Variants in ADCY10 observed in about 807,000 individuals in gnomAD.
ADCY10 encodes adenylate cyclase 10.
Under a neutral mutation model 183.3 loss-of-function variants are expected in ADCY10, and 156 were observed. The observed-to-expected ratio is 0.85, with a 90% CI of 0.75 to 0.97. The LOEUF (loss-of-function observed/expected upper bound fraction) is 0.97. Ranked by LOEUF, ADCY10 falls within the 50% of genes least tolerant of loss-of-function variation. The pLI is 0.00. For synonymous variants in ADCY10, 645 were observed against 670.0 expected (o/e 0.96, Z 0.58); for missense variants, 1,745 against 1,934.3 (o/e 0.90, Z 1.84).
rs2101816039 is a variant in ADCY10 at position 167,809,392 on chromosome 1, T to C, written c.*286A>G. On this transcript the variant is annotated 3_prime_UTR_variant, in exon 33 of 33. Transcript: ENST00000367851. Reference sequence around the variant, plus strand: ...CACACGATGTCATACCATCTTGAGATTAATAATTTGTAATATGATACAGTT... The same window carrying C: ...CACACGATGTCATACCATCTTGAGACTAATAATTTGTAATATGATACAGTT... The C allele has an allele frequency of 5.3e-6, 2 of 379,000 alleles. No individual in the cohort carries two copies. The highest frequency in any genetic ancestry group is 1.1e-4 in the East Asian group (2 of 18,128). 23.5% of individuals were successfully genotyped at this position (379,000 alleles called of 1,614,324 possible).
intron 31 of ADCY10, among the ~76,000 whole-genome samples, chr1:167,815,702 T>A (rs937876247): frequency 6.6e-6 from 1 of 152,166 alleles, no homozygotes; most frequent in Non-Finnish European, 1.5e-5. Context: ...GAAGCAGACA[T>A]GACAGGGATG....
chr1:167,867,006 A>G (rs557054370), intron 14 of ADCY10, among the ~76,000 whole-genome samples: 11 of 152,194 alleles, frequency 7.2e-5, no homozygotes, highest in Non-Finnish European at 1.3e-4. Flanking sequence ...AATCAGTACC[A>G]AAGGACATCA....
chr1:167,903,580 A>T (rs908675712), intron 3 of ADCY10, among the ~76,000 whole-genome samples: 4 of 152,162 alleles, frequency 2.6e-5, no homozygotes, highest in Admixed American at 1.3e-4. Context: ...AATAAATAAA[A>T]ATAAATATAA....
Position 167,880,589 on chromosome 1 carries a change from G to C in ADCY10, c.1041C>G (p.Val347=). The change falls in exon 10 of 33, where the codon GTC becomes GTG. Residue 347 remains valine (V), a synonymous_variant. Transcript: ENST00000367851. ...GTACCTTTTCCCCAGGGAAGCCAAAGACACAGAGGAAAGAGCAGCCCTGTG... is the reference window on the plus strand; with the variant it reads ...GTACCTTTTCCCCAGGGAAGCCAAACACACAGAGGAAAGAGCAGCCCTGTG... The part of the protein sequence containing the change: ...MFDKGCSFLC[V]FGFPGEKVPD... 1.9e-6 allele frequency: 3 copies of C among 1,613,870 alleles called. No individual in the cohort carries two copies. Among genetic ancestry groups the C allele is most frequent in the Non-Finnish European group, 2.5e-6 (3 of 1,179,806 alleles).
intron 8 of ADCY10, among the ~76,000 whole-genome samples, chr1:167,891,941 T>A (rs1159588250): frequency 6.6e-6 from 1 of 151,984 alleles, no homozygotes; most frequent in Non-Finnish European, 1.5e-5. Context: ...GATTTAATAA[T>A]TTCTAATTAA....
At chr1:167,819,219 T>C (rs1411238919) in intron 30 of ADCY10, among the ~76,000 whole-genome samples, 1 of 152,084 alleles carries the variant, frequency 6.6e-6, no homozygotes, top group African/African-American at 2.4e-5. Flanking sequence ...GGTACAATCC[T>C]TTGAATATTT....
intron 26 of ADCY10, among the ~76,000 whole-genome samples, chr1:167,828,563 T>G (rs1388154473): frequency 6.6e-6 from 1 of 152,218 alleles, no homozygotes; most frequent in Non-Finnish European, 1.5e-5. Flanking sequence ...TGGCAAAAAT[T>G]TAATACAATG....
At chr1:167,825,940 A>T (rs902812999) in intron 26 of ADCY10, among the ~76,000 whole-genome samples, 1 of 152,244 alleles carries the variant, frequency 6.6e-6, no homozygotes, top group Admixed American at 6.5e-5. Flanking sequence ...GTTTTATTAT[A>T]TATACAAAAA....
intron 1 of ADCY10, among the ~76,000 whole-genome samples, chr1:167,909,500 A>G (rs922850603): frequency 6.6e-5 from 10 of 152,198 alleles, no homozygotes; most frequent in Admixed American, 5.9e-4. Flanking sequence ...ATGGCTTTGA[A>G]TGCAGCCCAA....
At chr1:167,911,161 G>C (rs539341440) in intron 1 of ADCY10, among the ~76,000 whole-genome samples, 1 of 152,264 alleles carries the variant, frequency 6.6e-6, no homozygotes, top group Non-Finnish European at 1.5e-5. Context: ...GTTCAAACTG[G>C]GCAGTTTTAG....
Position 167,837,271 on chromosome 1 carries a change from C to A in ADCY10, c.3055G>T (p.Ala1019Ser), listed in dbSNP as rs1162278241. The A allele has an allele frequency of 6.2e-7, 1 of 1,613,904 alleles. No homozygotes were observed. Among genetic ancestry groups the A allele is most frequent in the African/African-American group, 1.3e-5 (1 of 74,926 alleles). Reference sequence around the variant, plus strand: ...TACCTGCGATTTTCAGGAAAAAATGCAGATGTCTCAGGAATCTCTGAGTTG... The same window carrying A: ...TACCTGCGATTTTCAGGAAAAAATGAAGATGTCTCAGGAATCTCTGAGTTG... ...LSNSEIPETSAFFPENRSPEE... is the reference protein window; with the variant it reads ...LSNSEIPETSSFFPENRSPEE... The change falls in exon 22 of 33, where the codon GCA becomes TCA. Residue 1019 changes from alanine (A) to serine (S), a missense_variant. Physicochemically the swap from Ala to Ser is moderately conservative, Grantham distance 99. Coordinates refer to ENST00000367851, the MANE Select transcript of ADCY10 (RefSeq NM_018417.6).
chr1:167,856,821 A>G (rs1257752914), intron 16 of ADCY10, among the ~76,000 whole-genome samples: 2 of 152,186 alleles, frequency 1.3e-5, no homozygotes, highest in African/African-American at 4.8e-5. Flanking sequence ...TCCTGGGGAA[A>G]TCTACTTGAC....
intron 8 of ADCY10, among the ~76,000 whole-genome samples, chr1:167,892,261 G>A (rs1271043872): frequency 6.6e-6 from 1 of 152,116 alleles, no homozygotes; most frequent in Non-Finnish European, 1.5e-5. Context: ...CATGAGCCTG[G>A]CCTTGATTTT....
chr1:167,835,695 C>A (rs761089954), intron 23 of ADCY10, among the ~76,000 whole-genome samples: 3 of 152,158 alleles, frequency 2.0e-5, no homozygotes, highest in Non-Finnish European at 4.4e-5. Context: ...TCAAGACCAG[C>A]CTGGGCAACA....
intron 31 of ADCY10, among the ~76,000 whole-genome samples, chr1:167,817,386 T>C (rs1018512264): frequency 2.0e-5 from 3 of 152,158 alleles, no homozygotes; most frequent in African/African-American, 7.2e-5. Flanking sequence ...TGTTTTAAGC[T>C]GTTTACTTTG....
At chr1:167,910,006 A>G (rs1253651010) in intron 1 of ADCY10, among the ~76,000 whole-genome samples, 2 of 152,184 alleles carry the variant, frequency 1.3e-5, no homozygotes, top group Non-Finnish European at 2.9e-5. Context: ...ATCTCAATCT[A>G]TTATGACCCT....
rs761411310 is a variant in ADCY10, at chr1:167,809,823, G to T, written c.4688C>A (p.Thr1563Asn). The T allele has an allele frequency of 7.4e-6, 12 of 1,613,950 alleles. No homozygotes were observed. The highest frequency in any genetic ancestry group is 7.6e-6 in the Non-Finnish European group (9 of 1,179,970). ...LNMNKESWYS[T>N]SELKEDQWLQ... ...CCATTGGTCTTCTTTTAACTCAGAG[G>T]TTGAGTACCATGATTCCTGAGAGGA... The change falls in exon 33 of 33, where the codon ACC becomes AAC. Residue 1563 changes from threonine (T) to asparagine (N), a missense_variant. Physicochemically the swap from Thr to Asn is moderately conservative, Grantham distance 65 (BLOSUM62 0). Transcript: ENST00000367851.
intron 1 of ADCY10, among the ~76,000 whole-genome samples, 166 bp from the exon 2 acceptor site, chr1:167,905,364 A>G (rs1179422974): frequency 2.0e-5 from 3 of 152,226 alleles, no homozygotes; most frequent in African/African-American, 7.2e-5. Context: ...ACAGAGGAAG[A>G]ACCCTCCCAC....
chr1:167,848,390 T>C lies in ADCY10; in HGVS notation c.2408A>G (p.Lys803Arg). 1 of 1,614,054 alleles carries C rather than the reference T, an allele frequency of 6.2e-7. No individual in the cohort carries two copies. The highest frequency in any genetic ancestry group is 8.5e-7 in the Non-Finnish European group (1 of 1,179,952). The change falls in exon 19 of 33, where the codon AAA becomes AGA. Residue 803 changes from lysine (K) to arginine (R), a missense_variant. Transcript: ENST00000367851. ...TAATGACGTTGGAGGTGACAGGTTTTTCAGTCTGACACCACTTGTGAGGTG... is the reference window on the plus strand; with the variant it reads ...TAATGACGTTGGAGGTGACAGGTTTCTCAGTCTGACACCACTTGTGAGGTG... ...VCHLTSGVRL[K>R]NLSPPTSLKE... is the part of the protein sequence containing the mutation.
Sources: gnomAD v4.1 joint callset for allele counts (sites outside exome capture counted in the v4.1 genomes callset) on GRCh38, gnomAD v4.1.1 for gene constraint, MANE v1.5 for transcripts, NCBI Gene and HGNC (gene_info 2026-07-23, HGNC 2026-07-21) for gene names.